NFIA: variants seen among roughly 807,000 people sequenced by gnomAD.
NFIA encodes nuclear factor I A.
NFIA carries 8 observed loss-of-function variants against 62.8 expected under a neutral mutation model. That is an observed-to-expected ratio of 0.13 (90% CI 0.07 to 0.23). The LOEUF (loss-of-function observed/expected upper bound fraction) is 0.23. Among genes scored for constraint, NFIA ranks in the 10% least tolerant of loss-of-function variants. The pLI is 1.00. For synonymous variants in NFIA, 235 were observed against 238.1 expected, an observed-to-expected ratio of 0.99 and a Z score of 0.12; for missense variants, 410 against 642.1, an observed-to-expected ratio of 0.64 and a Z score of 3.91.
At chr1:61,200,711 A>G (rs1461399295) in intron 2 of NFIA, among the ~76,000 whole-genome samples, 1 of 152,226 alleles carries the variant, frequency 6.6e-6, no homozygotes, top group Non-Finnish European at 1.5e-5. Context: ...AATTATCACA[A>G]CCACATAATT....
intron 6 of NFIA, among the ~76,000 whole-genome samples, chr1:61,379,851 C>G (rs1337274401): frequency 6.6e-6 from 1 of 152,170 alleles, no homozygotes; most frequent in Non-Finnish European, 1.5e-5. Context: ...CCAGCCCAGC[C>G]TGACTACCAC....
intron 6 of NFIA, among the ~76,000 whole-genome samples, chr1:61,376,744 A>G (rs1294667435): frequency 6.6e-6 from 1 of 152,218 alleles, no homozygotes; most frequent in Non-Finnish European, 1.5e-5. Flanking sequence ...TACTAGGGAA[A>G]CTACATGAGG....
intron 2 of NFIA, among the ~76,000 whole-genome samples, chr1:61,171,744 G>A (rs1048747170): frequency 1.1e-4 from 16 of 152,080 alleles, no homozygotes; most frequent in African/African-American, 3.4e-4. Context: ...CCTTTGTTGG[G>A]GGAAAGAGAG....
At chr1:61,326,609 TTA>T (rs893329097) in intron 3 of NFIA, among the ~76,000 whole-genome samples, 1 of 152,142 alleles carries the variant, frequency 6.6e-6, no homozygotes, top group African/African-American at 2.4e-5. Flanking sequence ...CTCAGAGGGC[TTA>T]CAGTCTAATG....
At chr1:61,197,458 C>T (rs531430641) in intron 2 of NFIA, among the ~76,000 whole-genome samples, 3 of 151,088 alleles carry the variant, frequency 2.0e-5, no homozygotes, top group South Asian at 4.2e-4. Flanking sequence ...AGGCTGGTTT[C>T]GAACTCCTGA....
At chr1:61,121,247 C>A (rs549143939) in intron 2 of NFIA, among the ~76,000 whole-genome samples, 3 of 152,048 alleles carry the variant, frequency 2.0e-5, no homozygotes, top group Non-Finnish European at 4.4e-5. Context: ...AGGTAATATG[C>A]TATGCTGTTA....
In NFIA at chr1:61,254,600, G is replaced by A. The variant is rs116826359; in HGVS notation, c.560-22920G>A. 4.2e-3 allele frequency among the ~76,000 whole-genome samples: 635 copies of A among 152,316 alleles called. 3 individuals are homozygous for A. The highest frequency in any genetic ancestry group is 0.014 in the African/African-American group (597 of 41,580). ...GAAAAAAAATAGTAGTTATACAAAT[G>A]TAAAATGCTACACATGAAGTATATT... is the stretch of plus-strand genomic sequence containing the variant. On this transcript the variant is annotated intron_variant, in intron 2 of 10. Coordinates refer to ENST00000403491, the MANE Select transcript of NFIA (RefSeq NM_001134673.4).
chr1:61,383,954 CT>C (rs1469572881), intron 7 of NFIA, among the ~76,000 whole-genome samples: 1 of 152,142 alleles, frequency 6.6e-6, no homozygotes, highest in African/African-American at 2.4e-5. Context: ...TTATTTTTGT[CT>C]CATATGCTTT....
At chr1:61,169,697 A>G (rs879305528) in intron 2 of NFIA, among the ~76,000 whole-genome samples, 5 of 152,210 alleles carry the variant, frequency 3.3e-5, no homozygotes, top group Admixed American at 6.5e-5. Flanking sequence ...GGTTTAAAAC[A>G]TGGCCCATGA....
intron 10 of NFIA, among the ~76,000 whole-genome samples, chr1:61,450,776 G>C (rs1668021411): frequency 6.6e-6 from 1 of 152,118 alleles, no homozygotes; most frequent in Non-Finnish European, 1.5e-5. Flanking sequence ...AGATTCTGCT[G>C]CATCACAGTC....
chr1:61,306,025 AT>A (rs201798145), intron 3 of NFIA, among the ~76,000 whole-genome samples: 8,200 of 149,162 alleles, frequency 0.055, 265 homozygotes, highest in South Asian at 0.094. Context: ...TTTTTGTTGT[AT>A]TTTTTATTAG....
At chr1:61,243,911 A>G (rs1467541619) in intron 2 of NFIA, among the ~76,000 whole-genome samples, 5 of 152,176 alleles carry the variant, frequency 3.3e-5, no homozygotes, top group Admixed American at 3.3e-4. Context: ...AACTGCAGAA[A>G]TCTTTTCTTT....
intron 3 of NFIA, among the ~76,000 whole-genome samples, chr1:61,300,517 A>T (rs957351770): frequency 3.3e-5 from 5 of 152,126 alleles, no homozygotes; most frequent in African/African-American, 1.2e-4. Flanking sequence ...TCGATAGCCC[A>T]CAGAAATTTA....
chr1:61,200,369 G>A (rs912657367), intron 2 of NFIA, among the ~76,000 whole-genome samples: 1 of 151,738 alleles, frequency 6.6e-6, no homozygotes, highest in African/African-American at 2.4e-5. Context: ...GTACCCATTA[G>A]AGGTTAGCTA....
intron 2 of NFIA, among the ~76,000 whole-genome samples, chr1:61,223,457 A>G (rs1376761834): frequency 6.6e-6 from 1 of 152,050 alleles, no homozygotes; most frequent in East Asian, 1.9e-4. Context: ...ATTTTGATGG[A>G]CCTGTACAAA....
At chr1:61,258,819 C>T (rs1172781926) in intron 2 of NFIA, among the ~76,000 whole-genome samples, 1 of 152,026 alleles carries the variant, frequency 6.6e-6, no homozygotes, top group African/African-American at 2.4e-5. Flanking sequence ...GTCTCGACTC[C>T]TGGGCTGAAG....
At chr1:61,192,147 A>G (rs992997759) in intron 2 of NFIA, among the ~76,000 whole-genome samples, 1 of 151,976 alleles carries the variant, frequency 6.6e-6, no homozygotes, top group Non-Finnish European at 1.5e-5. Context: ...TCTAGTAGAC[A>G]TGGGATTTCA....
chr1:61,086,136 G>A (rs186761441), intron 1 of NFIA, among the ~76,000 whole-genome samples: 5 of 152,152 alleles, frequency 3.3e-5, no homozygotes, highest in Admixed American at 2.0e-4. Flanking sequence ...CCTCCTTTTG[G>A]TGAAAGCTCA....
chr1:61,197,280 G>A (rs78378256), intron 2 of NFIA, among the ~76,000 whole-genome samples: 2 of 134,948 alleles, frequency 1.5e-5, no homozygotes, highest in Non-Finnish European at 3.1e-5. Flanking sequence ...TCTGTGTCAC[G>A]CAGGCTGGTG....
Sources: allele counts gnomAD v4.1 joint callset (sites outside exome capture counted in the v4.1 genomes callset), GRCh38; gene constraint gnomAD v4.1.1; transcripts MANE v1.5; gene names NCBI Gene and HGNC (gene_info 2026-07-23, HGNC 2026-07-21).